LRRC46: variants seen among roughly 807,000 people sequenced by gnomAD.
The protein encoded by LRRC46 is leucine-rich repeat-containing protein 46.
LRRC46 carries 20 observed loss-of-function variants against 28.0 expected under a neutral mutation model. That is an observed-to-expected ratio of 0.71 (90% confidence interval 0.50 to 1.04). The LOEUF (loss-of-function observed/expected upper bound fraction) is 1.04, where lower values mean the gene tolerates loss of function less well. Ranked by LOEUF, LRRC46 falls within the 50% of genes least tolerant of loss-of-function variation. The pLI is 0.00. For missense variants in LRRC46, 315 were observed against 390.1 expected (o/e 0.81, Z 1.62); for synonymous variants, 156 against 158.8 (o/e 0.98, Z 0.13).
chr17:47,835,464 A>G, intron 4 of LRRC46, 65 bp downstream of exon 4: 2 of 1,583,622 alleles, frequency 1.3e-6, no homozygotes, highest in Admixed American at 3.3e-5. Context: ...ATCCCAAAGA[A>G]CTGGTTCAGA....
rs750176996 is a variant in LRRC46 at position 47,836,737 on chromosome 17, C to G, written c.596-13C>G. On this transcript the variant is annotated splice_polypyrimidine_tract_variant and intron_variant, in intron 7 of 7. Transcript: ENST00000269025. This position sits in a 1 kb window ranked among gnomAD's most constrained non-coding sequence, Gnocchi z 5.8. ...CCACCCACCCTGTACCCTCCACCCC[C>G]GGCCCCTCCCAGGCTTCCTCAAGGA... is the stretch of plus-strand genomic sequence containing the variant. 4 of 1,612,450 alleles carry G rather than the reference C, an allele frequency of 2.5e-6. No individual in the cohort carries two copies. The highest frequency in any genetic ancestry group is 3.4e-6 in the Non-Finnish European group (4 of 1,179,530).
intron 4 of LRRC46, 132 bp from the exon 5 acceptor site, chr17:47,835,534 C>A: frequency 7.4e-7 from 1 of 1,358,376 alleles, no homozygotes; most frequent in Non-Finnish European, 1.0e-6. Context: ...TACTCCCTCA[C>A]CCCAGAAGGC....
chr17:47,833,750 CT>C (rs34618388), intron 2 of LRRC46: 3,449 of 137,302 alleles, frequency 0.025, 45 homozygotes, highest in Middle Eastern at 0.062. Flanking sequence ...CGCCCAGCCT[CT>C]TTTTTTTTTT....
Position 47,835,405 on chromosome 17 carries a change from T to A in LRRC46, c.272+6T>A. 6.2e-7 allele frequency: 1 copy of A among 1,613,924 alleles called. No individual in the cohort carries two copies. The highest frequency in any genetic ancestry group is 8.5e-7 in the Non-Finnish European group (1 of 1,179,966). ...GCTTGCATCCCCTCCTTGCGGTATG[T>A]GGTGCCAGGGCTCAGGCAGGGGAAG... On this transcript the variant is annotated splice_donor_region_variant and intron_variant, in intron 4 of 7. Coordinates refer to ENST00000269025, the MANE Select transcript of LRRC46 (RefSeq NM_033413.4).
In LRRC46 at chr17:47,835,748, GAGA is replaced by G. The variant is rs1567953682; in HGVS notation, c.357_359del (p.Glu119_Asn120delinsAsp). 4 of 1,614,188 alleles carry G rather than the reference GAGA, an allele frequency of 2.5e-6. No homozygotes were observed. The highest frequency in any genetic ancestry group is 3.4e-6 in the Non-Finnish European group (4 of 1,180,030). Reference sequence around the variant, plus strand: ...ATGCCTCCAGTTTCTGGACCTTTCTGAGAACCTGATAGAAACATTGAAGCTGGG... The same window carrying G: ...ATGCCTCCAGTTTCTGGACCTTTCTGACCTGATAGAAACATTGAAGCTGGG... On this transcript the variant is annotated inframe_deletion, in exon 5 of 8. Transcript: ENST00000269025.
intron 5 of LRRC46, 45 bp from the exon 6 acceptor site, chr17:47,835,988 A>G: frequency 6.2e-7 from 1 of 1,603,544 alleles, no homozygotes; most frequent in Non-Finnish European, 8.5e-7. Context: ...TCTTTTGGCT[A>G]AGATCAAGTG....
chr17:47,836,102 G>C lies in LRRC46; in HGVS notation c.452G>C (p.Arg151Pro). 6.2e-7 allele frequency: 1 copy of C among 1,614,118 alleles called. No individual in the cohort carries two copies. The highest frequency in any genetic ancestry group is 8.5e-7 in the Non-Finnish European group (1 of 1,179,992). The change falls in exon 6 of 8, where the codon CGC (arginine) becomes CCC (proline). Residue 151 changes from arginine to proline, a missense_variant and splice_region_variant. Arg to Pro is a moderately radical substitution (Grantham distance 103). Transcript: ENST00000269025. The surrounding 1 kb of genome is among the most constrained non-coding windows in gnomAD (Gnocchi z 5.8). ...AGCTGCACCAACCAGGATGGCTACCGGTAAGGAGTGGAGGGTGGGAAGAAA... is the reference window on the plus strand; with the variant it reads ...AGCTGCACCAACCAGGATGGCTACCCGTAAGGAGTGGAGGGTGGGAAGAAA... Reference protein sequence around the residue: ...GNSCTNQDGYRELVTEALPLL... With the variant: ...GNSCTNQDGYPELVTEALPLL...
chr17:47,837,175 C>G lies in LRRC46; in HGVS notation c.*55C>G. ...GAGGAGTGGGGCCTGCCCCTCTTCT[C>G]AGACCTCTGACCTGTGACAGAAGCC... On this transcript the variant is annotated 3_prime_UTR_variant, in exon 8 of 8. Coordinates refer to ENST00000269025, the MANE Select transcript of LRRC46 (RefSeq NM_033413.4). The G allele has an allele frequency of 6.3e-7, 1 of 1,578,634 alleles. No individual in the cohort carries two copies. Among genetic ancestry groups the G allele is most frequent in the East Asian group, 2.2e-5 (1 of 44,784 alleles).
In LRRC46 at chr17:47,836,805, G is replaced by A; in HGVS notation, c.651G>A (p.Gln217=). The change falls in exon 8 of 8, where the codon CAG becomes CAA. Residue 217 remains glutamine, a synonymous_variant. Coordinates refer to ENST00000269025, the MANE Select transcript of LRRC46 (RefSeq NM_033413.4). This position sits in a 1 kb window ranked among gnomAD's most constrained non-coding sequence, Gnocchi z 5.8. The stretch of plus-strand genomic sequence containing the variant: ...GCAGGCACAGGGAGCACCGGCAACA[G>A]ACGGCCCTGACAGAGCACCTGCTGA... ...ELSRHREHRQ[Q]TALTEHLLRM... The A allele has an allele frequency of 2.5e-6, 4 of 1,613,972 alleles. No individual in the cohort carries two copies. Among genetic ancestry groups the A allele is most frequent in the Non-Finnish European group, 3.4e-6 (4 of 1,180,014 alleles).
chr17:47,833,751 T>C (rs1455156067), intron 2 of LRRC46: 2 of 31,508 alleles, frequency 6.3e-5, no homozygotes, highest in African/African-American at 1.1e-4. Context: ...GCCCAGCCTC[T>C]TTTTTTTTTT....
rs781415833 is a variant in LRRC46, at chr17:47,835,406, G to A, written c.272+7G>A. 8.1e-6 allele frequency: 13 copies of A among 1,613,812 alleles called. No homozygotes were observed. Among genetic ancestry groups the A allele is most frequent in the African/African-American group, 1.3e-5 (1 of 74,902 alleles). ...CTTGCATCCCCTCCTTGCGGTATGT[G>A]GTGCCAGGGCTCAGGCAGGGGAAGA... On this transcript the variant is annotated splice_region_variant and intron_variant, in intron 4 of 7. Transcript: ENST00000269025.
chr17:47,834,004 G>A, intron 2 of LRRC46: 6 of 987,638 alleles, frequency 6.1e-6, no homozygotes, highest in Non-Finnish European at 7.2e-6. Flanking sequence ...TGAATGGGTG[G>A]ATGGAACAAG....
At chr17:47,834,919 G>C (rs765637580) in intron 3 of LRRC46, 2 of 222,648 alleles carry the variant, frequency 9.0e-6, no homozygotes, top group Non-Finnish European at 1.8e-5. Context: ...GTGGTGGTTG[G>C]TTGATCTTCA....
Position 47,831,891 on chromosome 17 carries a change from C to A in LRRC46, c.-99C>A. The A allele has an allele frequency of 1.3e-6, 2 of 1,515,336 alleles. No individual in the cohort carries two copies. The highest frequency in any genetic ancestry group is 1.1e-5 in the South Asian group (1 of 87,640). 93.9% of individuals were successfully genotyped at this position (1,515,336 alleles called of 1,614,324 possible). A position where few individuals can be genotyped will look rare whatever the true frequency, so the allele number is the denominator to read the frequency against. ...CTCTCCTAAGTCTCTGAGTTTCTCT[C>A]TCCTCCTGCCATCCTGAGTTCTGCC... is the stretch of plus-strand genomic sequence containing the variant. On this transcript the variant is annotated 5_prime_UTR_variant, in exon 1 of 8. Coordinates refer to ENST00000269025, the MANE Select transcript of LRRC46 (RefSeq NM_033413.4).
At chr17:47,835,931 T>G (rs972754570) in intron 5 of LRRC46, 102 bp from the exon 6 acceptor site, 23 of 1,408,326 alleles carry the variant, frequency 1.6e-5, no homozygotes, top group Middle Eastern at 1.8e-4. Context: ...GGTACTGGCT[T>G]TGGACTAGAA....
rs140371271 is a variant in LRRC46 at position 47,836,885 on chromosome 17, T to A, written c.731T>A (p.Met244Lys). 2 of 1,613,776 alleles carry A rather than the reference T, an allele frequency of 1.2e-6. No homozygotes were observed. The highest frequency in any genetic ancestry group is 1.7e-6 in the Non-Finnish European group (2 of 1,179,960). ...TDLPLLPGVP[M>K]AGDSSPSATP... ...CTGCCCCTGCTACCTGGGGTGCCCATGGCTGGGGACAGCAGCCCTTCTGCC... is the reference window on the plus strand; with the variant it reads ...CTGCCCCTGCTACCTGGGGTGCCCAAGGCTGGGGACAGCAGCCCTTCTGCC... Residue 244 changes from methionine (M) to lysine (K), a missense_variant, in exon 8 of 8, where the codon ATG (methionine) becomes AAG (lysine). Transcript: ENST00000269025. This position sits in a 1 kb window ranked among gnomAD's most constrained non-coding sequence, Gnocchi z 5.8.
At chr17:47,834,353 G>T (rs534138710) in intron 2 of LRRC46, 72 bp from the exon 3 acceptor site, 1 of 1,103,306 alleles carries the variant, frequency 9.1e-7, no homozygotes. Flanking sequence ...TCCCTCCTCC[G>T]TCTCCCATCC....
chr17:47,836,677 C>G lies in LRRC46; in HGVS notation c.596-73C>G. On this transcript the variant is annotated intron_variant, in intron 7 of 7. Coordinates refer to ENST00000269025, the MANE Select transcript of LRRC46 (RefSeq NM_033413.4). This position sits in a 1 kb window ranked among gnomAD's most constrained non-coding sequence, Gnocchi z 5.8. The stretch of plus-strand genomic sequence containing the variant: ...GACAAGGGGCCAGCCAGAGACTTCC[C>G]TGAGCCCAGGGACCCTCCTGCTGAG... 6.4e-7 allele frequency: 1 copy of G among 1,571,024 alleles called. No individual in the cohort carries two copies.
rs775083143 is a variant in LRRC46, at chr17:47,831,974, C to T, written c.-16C>T. 2.5e-6 allele frequency: 4 copies of T among 1,613,206 alleles called. No homozygotes were observed. In the East Asian group the frequency reaches 8.9e-5, roughly 36 times the overall value. On this transcript the variant is annotated 5_prime_UTR_variant, in exon 1 of 8. Transcript: ENST00000269025. Reference sequence around the variant, plus strand: ...TTCCTCTCCCGCCTCAGACCAGCAGCCTTTTATTTTAGATCATGTCTGGAG... The same window carrying T: ...TTCCTCTCCCGCCTCAGACCAGCAGTCTTTTATTTTAGATCATGTCTGGAG...
Sources: allele counts gnomAD v4.1 joint callset, GRCh38; gene constraint gnomAD v4.1.1; non-coding constraint Gnocchi (gnomAD v3.1); transcripts MANE v1.5; gene names NCBI Gene and HGNC (gene_info 2026-07-23, HGNC 2026-07-21).